The following ARHGAP17 variants were observed in gnomAD, a reference collection of about 807,000 sequenced individuals.
ARHGAP17 encodes the protein Rho GTPase activating protein 17, also known as rho GTPase-activating protein 17.
A neutral mutation model predicts 99.5 loss-of-function variants in ARHGAP17; 57 were observed. That is an observed-to-expected ratio of 0.57 (90% CI 0.46 to 0.71). The LOEUF is 0.71. ARHGAP17 is among the 30% of genes least tolerant of loss of function. The probability of loss-of-function intolerance (pLI) is 0.00; values close to 1 mark genes in which losing one functional copy is unlikely to be tolerated. For missense variants in ARHGAP17, 1,000 were observed against 1,122.4 expected (o/e 0.89, Z 1.56); for synonymous variants, 417 against 429.6 (o/e 0.97, Z 0.36).
rs143961535 is a variant in ARHGAP17, at chr16:24,984,301, A to G, written c.54-5296T>C. On this transcript the variant is annotated intron_variant, in intron 1 of 19. Transcript: ENST00000289968. ...TCCTCCCTGCTAGACAGCAGGTTCC[A>G]TGAGGGCAGAGAGAGAGCTCTAAAG... is the stretch of plus-strand genomic sequence containing the variant. 2.6e-3 allele frequency among the ~76,000 whole-genome samples: 403 copies of G among 152,242 alleles called. 2 individuals carry two copies. The highest frequency in any genetic ancestry group is 9.3e-3 in the African/African-American group (387 of 41,554).
chr16:24,976,427 A>C (rs1302794277), intron 3 of ARHGAP17, among the ~76,000 whole-genome samples: 3 of 151,970 alleles, frequency 2.0e-5, no homozygotes, highest in African/African-American at 7.3e-5. Flanking sequence ...TGCTTGGGAG[A>C]CTGAAGCAGG....
Position 24,919,947 on chromosome 16 carries a change from C to T in ARHGAP17, c.*183G>A, listed in dbSNP as rs1007258116. The T allele has an allele frequency of 1.3e-5, 10 of 767,280 alleles. No homozygotes were observed. Among genetic ancestry groups the T allele is most frequent in the African/African-American group, 1.8e-5 (1 of 56,606 alleles). 47.5% of individuals were successfully genotyped at this position (767,280 alleles called of 1,614,324 possible). A position where few individuals can be genotyped will look rare whatever the true frequency, so the allele number is the denominator to read the frequency against. ...CAACTTCTTCAAGACACAGGTCATT[C>T]AGCTTTAGTGGTGGCCTCCAGGTTC... On this transcript the variant is annotated 3_prime_UTR_variant, in exon 20 of 20. Transcript: ENST00000289968.
chr16:24,985,308 A>C (rs897412726), intron 1 of ARHGAP17, among the ~76,000 whole-genome samples: 9 of 152,270 alleles, frequency 5.9e-5, no homozygotes, highest in African/African-American at 2.2e-4. Context: ...CTTGAACAAC[A>C]CAAGTATATT....
chr16:24,927,514 C>T (rs1032227014), intron 19 of ARHGAP17, among the ~76,000 whole-genome samples: 2 of 152,154 alleles, frequency 1.3e-5, no homozygotes, highest in Admixed American at 6.5e-5. Flanking sequence ...CTTAGTATTC[C>T]GAATCATTGC....
Position 24,930,918 on chromosome 16 carries a change from A to G in ARHGAP17, c.2381T>C (p.Leu794Ser), listed in dbSNP as rs2050967746. The change falls in exon 19 of 20, where the codon TTA (leucine) becomes TCA (serine). Residue 794 changes from leucine (L) to serine (S), a missense_variant. Transcript: ENST00000289968. ...CTTTGGTACTGGTCTCGGTCTCGGT[A>G]AGGTTCCAGCATGTGGCTGTGCAGT... ...PETAQPHAGTLPRPRPVPKPR... is the reference protein window; with the variant it reads ...PETAQPHAGTSPRPRPVPKPR... 2 of 1,613,538 alleles carry G rather than the reference A, an allele frequency of 1.2e-6. No individual in the cohort carries two copies. Among genetic ancestry groups the G allele is most frequent in the Non-Finnish European group, 1.7e-6 (2 of 1,179,920 alleles).
chr16:24,974,608 G>A (rs1428528981), intron 3 of ARHGAP17, among the ~76,000 whole-genome samples: 1 of 151,946 alleles, frequency 6.6e-6, no homozygotes, highest in Non-Finnish European at 1.5e-5. Context: ...TTAGGCAGGA[G>A]GATAATAGGG....
At chr16:25,003,038 CAAA>C (rs1177218423) in intron 1 of ARHGAP17, among the ~76,000 whole-genome samples, 10 of 53,310 alleles carry the variant, frequency 1.9e-4, no homozygotes, top group African/African-American at 6.4e-4. Flanking sequence ...GACTCCGTCT[CAAA>C]AAAAAAAAAA....
In ARHGAP17 at chr16:24,930,830, G is replaced by C. The variant is rs374037990; in HGVS notation, c.2469C>G (p.Asp823Glu). 9.3e-6 allele frequency: 15 copies of C among 1,613,994 alleles called. No homozygotes were observed. The highest frequency in any genetic ancestry group is 1.3e-5 in the Non-Finnish European group (15 of 1,180,034). Reference sequence around the variant, plus strand: ...TTGGTGCTGTGTTGGTGAGGCTGCTGTCCCCAGCTGAGTGGACACCAGGAG... The same window carrying C: ...TTGGTGCTGTGTTGGTGAGGCTGCTCTCCCCAGCTGAGTGGACACCAGGAG... ...PQPPGVHSAG[D>E]SSLTNTAPTA... Residue 823 changes from aspartate to glutamate, a missense_variant, in exon 19 of 20, where the codon GAC becomes GAG. This residue lies in a region of ARHGAP17 where 528 missense variants were observed against 511.4 expected (regional missense o/e 1.03). Transcript: ENST00000289968.
At chr16:24,968,137 T>C (rs2052246567) in intron 6 of ARHGAP17, among the ~76,000 whole-genome samples, 1 of 152,204 alleles carries the variant, frequency 6.6e-6, no homozygotes, top group Admixed American at 6.5e-5. Flanking sequence ...TTATTTCCTT[T>C]CACTGCTGGC....
rs764333043 is a variant in ARHGAP17 at position 24,939,429 on chromosome 16, A to C, written c.1659T>G (p.Ser553=). 1 of 1,612,102 alleles carries C rather than the reference A, an allele frequency of 6.2e-7. No homozygotes were observed. The highest frequency in any genetic ancestry group is 8.5e-7 in the Non-Finnish European group (1 of 1,179,856). ...CGGAAGAGGGGACAGTCCCACCCCC[A>C]GAGCTGCTTTCAGCCCTAGAGCTCT... is the stretch of plus-strand genomic sequence containing the variant. ...PPQSSRAESS[S]GGGTVPSSAG... is the part of the protein sequence containing the mutation. Residue 553 remains serine (S), a synonymous_variant, in exon 17 of 20, where the codon TCT becomes TCG. Transcript: ENST00000289968.
intron 3 of ARHGAP17, among the ~76,000 whole-genome samples, chr16:24,976,948 G>A (rs910912247): frequency 3.3e-5 from 5 of 152,192 alleles, no homozygotes; most frequent in African/African-American, 9.7e-5. Context: ...ATGCATAACC[G>A]ACACAGCCAT....
At chr16:25,009,260 G>A (rs1208018719) in intron 1 of ARHGAP17, among the ~76,000 whole-genome samples, 6 of 152,148 alleles carry the variant, frequency 3.9e-5, no homozygotes, top group South Asian at 2.1e-4. Flanking sequence ...CCAGCTACTC[G>A]GGAGGCTGAG....
rs375248954 is a variant in ARHGAP17 at position 25,002,123 on chromosome 16, A to C, written c.53+13086T>G. On this transcript the variant is annotated intron_variant, in intron 1 of 19. Transcript: ENST00000289968. ...GATGCAAACATATACACACACCCAAAGCCATAAATCAATGGAATAGAATAG... is the reference window on the plus strand; with the variant it reads ...GATGCAAACATATACACACACCCAACGCCATAAATCAATGGAATAGAATAG... Among the ~76,000 whole-genome samples, 14 of 152,256 alleles carry C rather than the reference A, an allele frequency of 9.2e-5. No homozygotes were observed. The East Asian group carries it at 1.3e-3, about 15-fold the overall frequency.
chr16:24,944,599 G>A (rs944023690), intron 14 of ARHGAP17, among the ~76,000 whole-genome samples: 3 of 152,018 alleles, frequency 2.0e-5, no homozygotes, highest in African/African-American at 4.8e-5. Context: ...GTTACAGTGT[G>A]CCTTTTATTT....
chr16:24,950,956 C>T (rs1401728921), intron 12 of ARHGAP17, among the ~76,000 whole-genome samples: 2 of 151,624 alleles, frequency 1.3e-5, no homozygotes, highest in South Asian at 2.1e-4. Context: ...CTTATTTGAT[C>T]ATGGCCTGCC....
At chr16:24,982,845 G>A (rs2052713672) in intron 1 of ARHGAP17, among the ~76,000 whole-genome samples, 1 of 140,048 alleles carries the variant, frequency 7.1e-6, no homozygotes, top group South Asian at 2.1e-4. Context: ...CTTTGGTTGA[G>A]TTTTTGTAAT....
chr16:25,015,067 C>T, intron 1 of ARHGAP17, 142 bp downstream of exon 1: 3 of 828,120 alleles, frequency 3.6e-6, no homozygotes, highest in Non-Finnish European at 4.5e-6. Context: ...GCGCAGCCCC[C>T]GGGCCCGTGC....
rs2053618313 is a variant in ARHGAP17, at chr16:25,010,565, C to T, written c.53+4644G>A. Among the ~76,000 whole-genome samples, 4 of 152,304 alleles carry T rather than the reference C, an allele frequency of 2.6e-5. No individual in the cohort carries two copies. In the South Asian group the frequency reaches 6.2e-4, roughly 24 times the overall value. On this transcript the variant is annotated intron_variant, in intron 1 of 19. Coordinates refer to ENST00000289968, the MANE Select transcript of ARHGAP17 (RefSeq NM_001006634.3). ...TTCAACAAATCCAAAGAACTGAAAA[C>T]ATCAGGGTAAGGTACAGGGGAATAA...
chr16:24,942,198 A>T, intron 15 of ARHGAP17, 55 bp from the exon 16 acceptor site: 1 of 1,538,004 alleles, frequency 6.5e-7, no homozygotes, highest in Non-Finnish European at 8.8e-7. Context: ...CAGGCGAGGG[A>T]GCTCTAAGAC....
Sources: allele counts gnomAD v4.1 joint callset (sites outside exome capture counted in the v4.1 genomes callset), GRCh38; gene constraint gnomAD v4.1.1; regional missense constraint gnomAD v4.1.1; transcripts MANE v1.5; gene names NCBI Gene and HGNC (gene_info 2026-07-23, HGNC 2026-07-21).